The following SGCD variants were observed in gnomAD, a reference collection of about 807,000 sequenced individuals.
The protein encoded by SGCD is sarcoglycan delta.
A neutral mutation model predicts 36.6 loss-of-function variants in SGCD; 18 were observed. That is an observed-to-expected ratio of 0.49 (90% CI 0.34 to 0.73). The LOEUF is 0.73. Ranked by LOEUF, SGCD falls within the 30% of genes least tolerant of loss-of-function variation. The pLI is 0.01. For missense variants in SGCD, 387 were observed against 346.7 expected (o/e 1.12, Z -0.92); for synonymous variants, 133 against 130.6 (o/e 1.02, Z -0.12).
the SGCD span, among the ~76,000 whole-genome samples, chr5:155,812,210 A>T: frequency 6.6e-6 from 1 of 152,252 alleles, no homozygotes; most frequent in African/African-American, 2.4e-5. Context: ...TATGTTATAC[A>T]TATGGACAGG....
rs1580971483 is a variant in SGCD at position 156,423,774 on chromosome 5, T to C, written c.192+79097T>C. On this transcript the variant is annotated intron_variant, in intron 3 of 8. Coordinates refer to ENST00000337851, the MANE Select transcript of SGCD (RefSeq NM_000337.6). The stretch of plus-strand genomic sequence containing the variant: ...CCATGCTTTGTGTATGTCTTGACTC[T>C]AAAGTCTACTATGTGACCTTAGTAA... 1.3e-5 allele frequency among the ~76,000 whole-genome samples: 2 copies of C among 152,104 alleles called. 1 individual carries two copies. Among genetic ancestry groups the C allele is most frequent in the East Asian group, 3.9e-4 (2 of 5,176 alleles).
intron 1 of SGCD, among the ~76,000 whole-genome samples, chr5:156,110,398 T>C (rs1192894998): frequency 6.6e-6 from 1 of 152,192 alleles, no homozygotes; most frequent in Non-Finnish European, 1.5e-5. Flanking sequence ...ATTTCTACTT[T>C]AACTTATTTG....
chr5:156,118,725 T>C (rs1224007998), intron 2 of SGCD, among the ~76,000 whole-genome samples: 1 of 152,172 alleles, frequency 6.6e-6, no homozygotes, highest in Non-Finnish European at 1.5e-5. Flanking sequence ...TTTAAAAGGC[T>C]AACCAGGAAG....
chr5:155,751,501 C>G, the SGCD span, among the ~76,000 whole-genome samples: 1 of 152,248 alleles, frequency 6.6e-6, no homozygotes, highest in East Asian at 1.9e-4. Flanking sequence ...AACCTCTCAG[C>G]TGAGCCTCCC....
At chr5:155,904,448 A>G (rs149621954) in intron 1 of SGCD, among the ~76,000 whole-genome samples, 1 of 152,346 alleles carries the variant, frequency 6.6e-6, no homozygotes, top group African/African-American at 2.4e-5. Context: ...TCACCACAAT[A>G]ACTTCCTTCT....
At chr5:156,283,250 A>T (rs1018528052) in intron 3 of SGCD, among the ~76,000 whole-genome samples, 4 of 152,174 alleles carry the variant, frequency 2.6e-5, no homozygotes, top group Admixed American at 6.6e-5. Flanking sequence ...AAAGAGCCAC[A>T]TTAGCAATTT....
chr5:155,748,975 T>C, the SGCD span, among the ~76,000 whole-genome samples: 122,473 of 152,132 alleles, frequency 0.81, 50,209 homozygotes, highest in African/African-American at 0.94. Context: ...AATGATTTTC[T>C]CAGGTAATGC....
At chr5:156,229,297 T>TACACATATATATATATAA (rs757678815) in intron 3 of SGCD, among the ~76,000 whole-genome samples, 2 of 119,864 alleles carry the variant, frequency 1.7e-5, no homozygotes, top group East Asian at 2.4e-4. Flanking sequence ...TATATATATA[T>TACACATATATATATATAA]ATAAAATTAG....
the SGCD span, among the ~76,000 whole-genome samples, chr5:155,809,072 A>T: frequency 7.2e-5 from 11 of 152,370 alleles, no homozygotes; most frequent in African/African-American, 2.6e-4. Context: ...ACACGAGTCT[A>T]TAGCTGATAA....
At chr5:156,369,034 C>G (rs1393192495) in intron 3 of SGCD, among the ~76,000 whole-genome samples, 1 of 152,162 alleles carries the variant, frequency 6.6e-6, no homozygotes, top group Non-Finnish European at 1.5e-5. Flanking sequence ...GTGAGGTACA[C>G]CAGATGATTC....
intron 3 of SGCD, among the ~76,000 whole-genome samples, chr5:156,191,742 C>G (rs1462472789): frequency 6.6e-6 from 1 of 152,114 alleles, no homozygotes; most frequent in Non-Finnish European, 1.5e-5. Flanking sequence ...AGCTGTCAAT[C>G]TGGATCACAG....
At chr5:156,533,092 G>A (rs1252894293) in intron 4 of SGCD, among the ~76,000 whole-genome samples, 1 of 152,128 alleles carries the variant, frequency 6.6e-6, no homozygotes, top group Non-Finnish European at 1.5e-5. Flanking sequence ...GGCTTTCTCG[G>A]TAGCCATGCA....
chr5:156,522,128 G>A (rs955334089), intron 4 of SGCD, among the ~76,000 whole-genome samples: 2 of 152,022 alleles, frequency 1.3e-5, no homozygotes, highest in African/African-American at 2.4e-5. Flanking sequence ...TCTCACTTGT[G>A]TGGGAATTGA....
intron 3 of SGCD, among the ~76,000 whole-genome samples, chr5:156,422,337 T>C (rs1283860599): frequency 6.6e-6 from 1 of 152,022 alleles, no homozygotes; most frequent in Non-Finnish European, 1.5e-5. Flanking sequence ...TTTGTTTTTG[T>C]TTTTGTTTTT....
At chr5:155,909,455 T>C (rs1756587303) in intron 1 of SGCD, among the ~76,000 whole-genome samples, 2 of 152,172 alleles carry the variant, frequency 1.3e-5, no homozygotes, top group African/African-American at 4.8e-5. Context: ...AATGCCTTTA[T>C]GCAGAGAGCA....
At chr5:156,450,658 G>A (rs1753967926) in intron 3 of SGCD, among the ~76,000 whole-genome samples, 1 of 151,996 alleles carries the variant, frequency 6.6e-6, no homozygotes, top group African/African-American at 2.4e-5. Context: ...TATTGTTATG[G>A]TGGGAGTTGT....
At chr5:155,778,613 T>C in the SGCD span, among the ~76,000 whole-genome samples, 1 of 78,744 alleles carries the variant, frequency 1.3e-5, no homozygotes, top group South Asian at 4.7e-4. Context: ...AGGCTACACG[T>C]TTATTTTTAA....
intron 1 of SGCD, among the ~76,000 whole-genome samples, chr5:155,962,252 G>A (rs542123426): frequency 1.7e-3 from 258 of 152,076 alleles, no homozygotes; most frequent in South Asian, 4.4e-3. Context: ...ACCGAGCTTA[G>A]GAAATCATTC....
Position 156,746,023 on chromosome 5 carries a change from TA to T in SGCD, c.576-11546del, listed in dbSNP as rs796419875. ...GACACAAAACCACAAGTTTAAAGGG[TA>T]AAAAAAAAAAATTAAATTAAAATTA... On this transcript the variant is annotated intron_variant, in intron 7 of 8. Coordinates refer to ENST00000337851, the MANE Select transcript of SGCD (RefSeq NM_000337.6). Among the ~76,000 whole-genome samples, 696 of 133,124 alleles carry T rather than the reference TA, an allele frequency of 5.2e-3. 7 individuals are homozygous for T. Among genetic ancestry groups the T allele is most frequent in the East Asian group, 0.036 (168 of 4,608 alleles). The allele number at this position is 133,124 out of a possible 152,430, so 87.3% of individuals were successfully genotyped here.
Sources: gnomAD v4.1 joint callset for allele counts (sites outside exome capture counted in the v4.1 genomes callset) on GRCh38, gnomAD v4.1.1 for gene constraint, MANE v1.5 for transcripts, NCBI Gene and HGNC (gene_info 2026-07-23, HGNC 2026-07-21) for gene names.